Variants in SMAD5 observed in about 807,000 individuals in gnomAD.
The protein encoded by SMAD5 is SMAD family member 5, also known as MAD, mothers against decapentaplegic homolog 5.
A neutral mutation model predicts 43.1 loss-of-function variants in SMAD5; 9 were observed. The ratio of observed to expected loss-of-function variants is 0.21; its 90% confidence interval spans 0.13 to 0.36. SMAD5 has a LOEUF of 0.36. Ranked by LOEUF, SMAD5 falls within the 10% of genes least tolerant of loss-of-function variation. The probability of loss-of-function intolerance (pLI) is 1.00; values close to 1 mark genes in which losing one functional copy is unlikely to be tolerated. For synonymous variants in SMAD5, 190 were observed against 192.4 expected (o/e 0.99, Z 0.10); for missense variants, 348 against 574.0 (o/e 0.61, Z 4.02).
At position 136,134,170 on chromosome 5, in the gene SMAD5, A is replaced by G. The variant is rs1419238066; in HGVS notation, c.-245+1208A>G. ...AAGTTTTGATGTCTAGGTTTGTCAC[A>G]TCATGCCTGTTGCCTAGCACTACCA... On this transcript the variant is annotated intron_variant, in intron 1 of 7. Transcript: ENST00000545279. The G allele has an allele frequency of 4.6e-5, 7 of 152,292 alleles. No individual in the cohort carries two copies. The Admixed American group carries it at 4.6e-4, about 10-fold the overall frequency. 9.4% of individuals were successfully genotyped at this position (152,292 alleles called of 1,614,324 possible).
At chr5:136,170,353 C>A (rs1355513127) in intron 5 of SMAD5, among the ~76,000 whole-genome samples, 7 of 151,674 alleles carry the variant, frequency 4.6e-5, no homozygotes, top group East Asian at 1.9e-4. Flanking sequence ...TTTTTTCTTC[C>A]ATTGTATTGT....
intron 1 of SMAD5, chr5:136,134,336 C>A (rs1752801438): frequency 6.6e-6 from 1 of 152,272 alleles, no homozygotes; most frequent in Non-Finnish European, 1.5e-5. Context: ...CCTTAGAGTA[C>A]CTGAATTGCC....
In SMAD5 at chr5:136,163,392, G is replaced by T; in HGVS notation, c.775+1G>T. Reference sequence around the variant, plus strand: ...ATTATGCCCAGTATATCCAGCAGGGGTAAGAGAAGTACTCACTTCATTTAT... The same window carrying T: ...ATTATGCCCAGTATATCCAGCAGGGTTAAGAGAAGTACTCACTTCATTTAT... On this transcript the variant is annotated splice_donor_variant, in intron 5 of 7. Coordinates refer to ENST00000545279, the MANE Select transcript of SMAD5 (RefSeq NM_005903.7). LOFTEE classifies it high-confidence loss of function. The T allele has an allele frequency of 1.3e-6, 2 of 1,596,326 alleles. No homozygotes were observed. Among genetic ancestry groups the T allele is most frequent in the Non-Finnish European group, 1.7e-6 (2 of 1,172,208 alleles).
At chr5:136,150,341 G>A (rs149475093) in intron 2 of SMAD5, among the ~76,000 whole-genome samples, 106 of 151,824 alleles carry the variant, frequency 7.0e-4, no homozygotes, top group African/African-American at 2.5e-3. Flanking sequence ...CTTAGTCAAC[G>A]TGGGTTTAAA....
intron 5 of SMAD5, among the ~76,000 whole-genome samples, chr5:136,167,867 T>C (rs1161636872): frequency 6.6e-6 from 1 of 152,122 alleles, no homozygotes; most frequent in Non-Finnish European, 1.5e-5. Context: ...TGTTATTTTA[T>C]TCCTGCCCCT....
intron 4 of SMAD5, among the ~76,000 whole-genome samples, chr5:136,162,403 A>G (rs912141709): frequency 2.0e-5 from 3 of 152,224 alleles, no homozygotes; most frequent in Admixed American, 6.5e-5. Context: ...TCAAGGACCT[A>G]CAGTATATTC....
At chr5:136,145,238 C>T (rs913068297) in intron 1 of SMAD5, among the ~76,000 whole-genome samples, 10 of 151,922 alleles carry the variant, frequency 6.6e-5, no homozygotes, top group African/African-American at 2.4e-4. Context: ...CTCTGACTTG[C>T]TGTTTCTGTT....
chr5:136,180,020 A>AATGATCTCTTAGGAGTTGTGTCTCG lies in SMAD5; in HGVS notation c.*2540_*2541insATGATCTCTTAGGAGTTGTGTCTCG, dbSNP rs1561663576. 17 of 152,108 alleles carry AATGATCTCTTAGGAGTTGTGTCTCG rather than the reference A, an allele frequency of 1.1e-4. No individual in the cohort carries two copies. Among genetic ancestry groups the AATGATCTCTTAGGAGTTGTGTCTCG allele is most frequent in the African/African-American group, 3.9e-4 (16 of 41,470 alleles). 9.4% of individuals were successfully genotyped at this position (152,108 alleles called of 1,614,324 possible). A position where few individuals can be genotyped will look rare whatever the true frequency, so the allele number is the denominator to read the frequency against. ...TGTTTTCTCTTAGGAGTTGTGTCTC[A>AATGATCTCTTAGGAGTTGTGTCTCG]TGAATGACAGTACTAAAGCTATTAA... On this transcript the variant is annotated 3_prime_UTR_variant, in exon 8 of 8. Coordinates refer to ENST00000545279, the MANE Select transcript of SMAD5 (RefSeq NM_005903.7).
chr5:136,141,559 G>C (rs890958976), intron 1 of SMAD5, among the ~76,000 whole-genome samples: 1 of 152,114 alleles, frequency 6.6e-6, no homozygotes, highest in African/African-American at 2.4e-5. Context: ...TTAGAAAAAG[G>C]CCTTCTCATT....
In SMAD5 at chr5:136,174,522, A is replaced by G; in HGVS notation, c.1144A>G (p.Ile382Val). 1 of 1,613,846 alleles carries G rather than the reference A, an allele frequency of 6.2e-7. No homozygotes were observed. Among genetic ancestry groups the G allele is most frequent in the South Asian group, 1.1e-5 (1 of 91,060 alleles). Residue 382 changes from isoleucine (I) to valine (V), a missense_variant, in exon 7 of 8, where the codon ATT becomes GTT. Physicochemically the swap from Ile to Val is conservative, Grantham distance 29. Transcript: ENST00000545279. The part of the protein sequence containing the change: ...CKIPSSCSLK[I>V]FNNQEFAQLL... Reference sequence around the variant, plus strand: ...GATTCCCAGCAGCTGCAGCCTCAAAATTTTTAACAATCAGGAGTTTGCTCA... The same window carrying G: ...GATTCCCAGCAGCTGCAGCCTCAAAGTTTTTAACAATCAGGAGTTTGCTCA...
At chr5:136,133,441 TTG>T (rs1752752769) in intron 1 of SMAD5, 1 of 152,430 alleles carries the variant, frequency 6.6e-6, no homozygotes, top group South Asian at 2.1e-4. Context: ...CGCCGTCGCT[TTG>T]TGTTTCAAAG....
At chr5:136,139,656 G>A (rs2149759336) in intron 1 of SMAD5, among the ~76,000 whole-genome samples, 1 of 152,122 alleles carries the variant, frequency 6.6e-6, no homozygotes, top group Middle Eastern at 3.4e-3. Context: ...TATCATTGCT[G>A]TCCACCCCTC....
intron 5 of SMAD5, among the ~76,000 whole-genome samples, chr5:136,167,284 A>G (rs1011041773): frequency 3.9e-5 from 6 of 152,030 alleles, no homozygotes; most frequent in African/African-American, 1.4e-4. Context: ...CTCTACATGT[A>G]TAAACTTTGT....
intron 2 of SMAD5, among the ~76,000 whole-genome samples, chr5:136,152,009 T>C (rs1006236616): frequency 6.6e-6 from 1 of 152,100 alleles, no homozygotes; most frequent in East Asian, 1.9e-4. Context: ...TCATTCTCTT[T>C]GTTATATCTC....
intron 1 of SMAD5, chr5:136,133,385 G>T: frequency 6.6e-6 from 1 of 152,640 alleles, no homozygotes; most frequent in Non-Finnish European, 1.5e-5. Context: ...CGGGCAGCCT[G>T]GGCTGCTGCA....
At chr5:136,157,536 T>A (rs914875250) in intron 3 of SMAD5, among the ~76,000 whole-genome samples, 6 of 152,216 alleles carry the variant, frequency 3.9e-5, no homozygotes, top group African/African-American at 1.4e-4. Flanking sequence ...TGAGCTTGTT[T>A]ACCTGCAGCT....
rs1754655957 is a variant in SMAD5 at position 136,182,274 on chromosome 5, A to G, written c.*4794A>G. On this transcript the variant is annotated 3_prime_UTR_variant, in exon 8 of 8. Transcript: ENST00000545279. ...CTTTTAGGGTCAGATTTTCCCTTCT[A>G]ATATCATTGAAGATGATGTTGCATT... 6.6e-6 allele frequency: 1 copy of G among 151,920 alleles called. No individual in the cohort carries two copies. The highest frequency in any genetic ancestry group is 1.5e-5 in the Non-Finnish European group (1 of 67,970). 9.4% of individuals were successfully genotyped at this position (151,920 alleles called of 1,614,324 possible).
At chr5:136,147,012 A>G (rs1753280241) in intron 1 of SMAD5, among the ~76,000 whole-genome samples, 1 of 151,692 alleles carries the variant, frequency 6.6e-6, no homozygotes, top group Non-Finnish European at 1.5e-5. Context: ...ATGCAGAGGA[A>G]ACAAATATAA....
intron 2 of SMAD5, among the ~76,000 whole-genome samples, chr5:136,151,235 A>G (rs1009617034): frequency 4.6e-5 from 7 of 152,082 alleles, no homozygotes; most frequent in African/African-American, 1.7e-4. Flanking sequence ...AAACAAAGTA[A>G]ATAAACAAAG....
Sources: allele counts gnomAD v4.1 joint callset (sites outside exome capture counted in the v4.1 genomes callset), GRCh38; gene constraint gnomAD v4.1.1; transcripts MANE v1.5; gene names NCBI Gene and HGNC (gene_info 2026-07-23, HGNC 2026-07-21).